TAF1B: variants seen among roughly 807,000 people sequenced by gnomAD.
TAF1B encodes TATA box-binding protein-associated factor RNA polymerase I subunit B.
TAF1B carries 61 observed loss-of-function variants against 83.9 expected under a neutral mutation model. The observed-to-expected ratio is 0.73, with a 90% CI of 0.59 to 0.90. The LOEUF (loss-of-function observed/expected upper bound fraction) is 0.90, where lower values mean the gene tolerates loss of function less well. Ranked by LOEUF, TAF1B falls within the 40% of genes least tolerant of loss-of-function variation. TAF1B has a pLI of 0.00. For synonymous variants in TAF1B, 221 were observed against 224.6 expected, an observed-to-expected ratio of 0.98 and a Z score of 0.14; for missense variants, 625 against 677.0, an observed-to-expected ratio of 0.92 and a Z score of 0.85.
chr2:9,879,023 G>A (rs1664409722), intron 7 of TAF1B, among the ~76,000 whole-genome samples: 1 of 152,190 alleles, frequency 6.6e-6, no homozygotes, highest in Non-Finnish European at 1.5e-5. Flanking sequence ...GAGCCAGTGT[G>A]AATATCAGGA....
intron 6 of TAF1B, 147 bp from the exon 7 acceptor site, chr2:9,875,718 T>C (rs1664303045): frequency 3.8e-6 from 3 of 788,718 alleles, no homozygotes; most frequent in African/African-American, 1.7e-5. Context: ...GTGGGAATTA[T>C]GAGAACTACA....
intron 5 of TAF1B, among the ~76,000 whole-genome samples, chr2:9,867,745 TCC>T (rs1383975171): frequency 6.6e-6 from 1 of 152,160 alleles, no homozygotes; most frequent in African/African-American, 2.4e-5. Flanking sequence ...AGATAGTATA[TCC>T]TTGTTGATTA....
At chr2:9,866,315 G>C (rs1663974084) in intron 5 of TAF1B, among the ~76,000 whole-genome samples, 1 of 152,224 alleles carries the variant, frequency 6.6e-6, no homozygotes, top group Non-Finnish European at 1.5e-5. Flanking sequence ...CATTTATGCA[G>C]CCCACAAACA....
chr2:9,907,860 T>C (rs1050672319), intron 9 of TAF1B, among the ~76,000 whole-genome samples: 4 of 151,654 alleles, frequency 2.6e-5, no homozygotes, highest in African/African-American at 9.7e-5. Context: ...GATGGCAGAG[T>C]AGATTCCTAC....
At chr2:9,846,966 A>G (rs1663224987) in intron 2 of TAF1B, among the ~76,000 whole-genome samples, 2 of 152,346 alleles carry the variant, frequency 1.3e-5, no homozygotes, top group Admixed American at 1.3e-4. Context: ...GTGCAGGTGT[A>G]AACCCAGTGA....
Position 9,849,480 on chromosome 2 carries a change from G to A in TAF1B, c.205+20G>A. ...ATACTGGTAAGTTCTTTCTTCATAT[G>A]TACTTAACATTCTTTATTCACATCT... On this transcript the variant is annotated intron_variant, in intron 3 of 14. Transcript: ENST00000263663. 2 of 1,479,532 alleles carry A rather than the reference G, an allele frequency of 1.4e-6. No homozygotes were observed. The highest frequency in any genetic ancestry group is 1.8e-6 in the Non-Finnish European group (2 of 1,102,564). 91.7% of individuals were successfully genotyped at this position (1,479,532 alleles called of 1,614,324 possible).
At chr2:9,876,717 C>G (rs1175210789) in intron 7 of TAF1B, among the ~76,000 whole-genome samples, 1 of 152,124 alleles carries the variant, frequency 6.6e-6, no homozygotes, top group Non-Finnish European at 1.5e-5. Context: ...GGGTTTGAAT[C>G]CTGGCTTTGC....
At chr2:9,930,414 C>CT (rs1666177133) in intron 14 of TAF1B, among the ~76,000 whole-genome samples, 1 of 151,868 alleles carries the variant, frequency 6.6e-6, no homozygotes, top group African/African-American at 2.4e-5. Context: ...ATCTTTATTT[C>CT]GTTATTTACC....
chr2:9,866,585 G>A (rs1437405492), intron 5 of TAF1B, among the ~76,000 whole-genome samples: 2 of 152,090 alleles, frequency 1.3e-5, no homozygotes, highest in Admixed American at 6.6e-5. Flanking sequence ...CCCATTACTG[G>A]GTATATACCC....
chr2:9,905,910 A>G (rs1665326445), intron 9 of TAF1B, among the ~76,000 whole-genome samples: 1 of 152,220 alleles, frequency 6.6e-6, no homozygotes, highest in Non-Finnish European at 1.5e-5. Flanking sequence ...TTTCAAATGT[A>G]ACATTTCTAA....
intron 8 of TAF1B, among the ~76,000 whole-genome samples, chr2:9,903,462 T>G (rs1665247178): frequency 6.6e-6 from 1 of 152,226 alleles, no homozygotes; most frequent in Admixed American, 6.5e-5. Context: ...GGAATGTTTA[T>G]AAATTGCAAA....
intron 8 of TAF1B, among the ~76,000 whole-genome samples, chr2:9,886,169 CG>C (rs1047700302): frequency 6.6e-6 from 1 of 151,490 alleles, no homozygotes; most frequent in African/African-American, 2.4e-5. Flanking sequence ...AAACTTTTCC[CG>C]CAAGATAGGG....
chr2:9,845,559 A>G (rs544785803), intron 2 of TAF1B: 19 of 388,716 alleles, frequency 4.9e-5, no homozygotes, highest in Non-Finnish European at 9.1e-5. Flanking sequence ...TATTCAGAGT[A>G]TGTGGTTGAG....
At chr2:9,854,446 GA>G in intron 5 of TAF1B, 25 bp downstream of exon 5, 2 of 1,568,970 alleles carry the variant, frequency 1.3e-6, no homozygotes, top group East Asian at 4.5e-5. Flanking sequence ...TGAAAAGTTG[GA>G]TTAAAAAACA....
intron 7 of TAF1B, among the ~76,000 whole-genome samples, chr2:9,879,499 A>G (rs1473231715): frequency 6.6e-6 from 1 of 152,230 alleles, no homozygotes; most frequent in African/African-American, 2.4e-5. Flanking sequence ...TATTTCTGGA[A>G]TTGTCCATTG....
intron 7 of TAF1B, among the ~76,000 whole-genome samples, chr2:9,877,052 G>A (rs1372468906): frequency 6.6e-6 from 1 of 152,172 alleles, no homozygotes; most frequent in Non-Finnish European, 1.5e-5. Flanking sequence ...CCTCAGGTCT[G>A]ATTAACTCTA....
At chr2:9,920,971 G>A (rs868020897) in intron 14 of TAF1B, among the ~76,000 whole-genome samples, 2 of 152,060 alleles carry the variant, frequency 1.3e-5, no homozygotes, top group African/African-American at 2.4e-5. Context: ...ATTAATGATC[G>A]GCTCTGTGGC....
chr2:9,853,740 A>G (rs1224057958), intron 4 of TAF1B, among the ~76,000 whole-genome samples: 1 of 152,152 alleles, frequency 6.6e-6, no homozygotes, highest in East Asian at 1.9e-4. Flanking sequence ...GGATTACAGT[A>G]GTGAGCCACC....
intron 5 of TAF1B, 151 bp downstream of exon 5, chr2:9,854,572 G>A: frequency 3.5e-6 from 2 of 568,330 alleles, no homozygotes; most frequent in Non-Finnish European, 6.2e-6. Flanking sequence ...CTAGAGGACG[G>A]GGTCACTGAT....
Sources: gnomAD v4.1 joint callset for allele counts (sites outside exome capture counted in the v4.1 genomes callset) on GRCh38, gnomAD v4.1.1 for gene constraint, MANE v1.5 for transcripts, NCBI Gene and HGNC (gene_info 2026-07-23, HGNC 2026-07-21) for gene names.